The following ZZEF1 variants were observed in gnomAD, a reference collection of about 807,000 sequenced individuals.
The protein encoded by ZZEF1 is zinc finger ZZ-type and EF-hand domain containing 1.
In ZZEF1, 157 loss-of-function variants were observed where a neutral mutation model predicts 342.8. The ratio of observed to expected loss-of-function variants is 0.46; its 90% CI spans 0.40 to 0.52. ZZEF1 has a LOEUF of 0.52. Among genes scored for constraint, ZZEF1 ranks in the 20% least tolerant of loss-of-function variants. The probability of loss-of-function intolerance (pLI) is 0.00; values close to 1 mark genes in which losing one functional copy is unlikely to be tolerated. For synonymous variants in ZZEF1, 1,505 were observed against 1,429.1 expected (o/e 1.05, Z -1.20); for missense variants, 3,480 against 3,725.6 (o/e 0.93, Z 1.72).
intron 1 of ZZEF1, among the ~76,000 whole-genome samples, chr17:4,134,313 T>C (rs2058713835): frequency 6.7e-6 from 1 of 148,312 alleles, no homozygotes; most frequent in African/African-American, 2.5e-5. Context: ...ATGAAGACCC[T>C]GTCTCAAAAA....
chr17:4,024,186 G>GTTTTTTTTTTTTTTTTTTTTTT (rs754985234), intron 43 of ZZEF1, among the ~76,000 whole-genome samples: 2 of 94,408 alleles, frequency 2.1e-5, no homozygotes, highest in African/African-American at 8.1e-5. Flanking sequence ...TATTGCCCAG[G>GTTTTTTTTTTTTTTTTTTTTTT]TTTTTTTTTT....
intron 1 of ZZEF1, 108 bp downstream of exon 1, chr17:4,142,434 T>G: frequency 8.4e-7 from 1 of 1,183,586 alleles, no homozygotes; most frequent in Non-Finnish European, 1.2e-6. Flanking sequence ...TGGAAACACC[T>G]CATATGGGTC....
At chr17:4,118,803 T>A (rs1350043149) in intron 2 of ZZEF1, among the ~76,000 whole-genome samples, 1 of 152,200 alleles carries the variant, frequency 6.6e-6, no homozygotes, top group Non-Finnish European at 1.5e-5. Context: ...AAAATTTCAC[T>A]GAGGTAGAAG....
intron 34 of ZZEF1, among the ~76,000 whole-genome samples, chr17:4,053,682 GAAGTC>G (rs988963323): frequency 1.3e-5 from 2 of 152,214 alleles, no homozygotes; most frequent in Admixed American, 6.5e-5. Context: ...TCAGCACCTA[GAAGTC>G]AAGTGTACGA....
At chr17:4,066,936 A>C (rs1168507319) in intron 27 of ZZEF1, among the ~76,000 whole-genome samples, 1 of 152,186 alleles carries the variant, frequency 6.6e-6, no homozygotes, top group Non-Finnish European at 1.5e-5. Context: ...GAGTTCCACG[A>C]AGGGATGTAA....
At chr17:4,054,341 G>A in intron 33 of ZZEF1, 146 bp from the exon 34 acceptor site, 1 of 863,492 alleles carries the variant, frequency 1.2e-6, no homozygotes. Context: ...GCTCCTCAGT[G>A]TCTAGTTGGG....
chr17:4,112,689 T>C lies in ZZEF1; in HGVS notation c.986A>G (p.Gln329Arg). ...VAVGRNASDL[Q>R]EVRDVHIPSN... ...GGGGATGTGCACATCTCGGACTTCCTGAAGATCGCTGGCATTCCTCCCTAC... is the reference window on the plus strand; with the variant it reads ...GGGGATGTGCACATCTCGGACTTCCCGAAGATCGCTGGCATTCCTCCCTAC... The change falls in exon 5 of 55, where the codon CAG (glutamine) becomes CGG (arginine). Residue 329 changes from glutamine (Q) to arginine (R), a missense_variant. By Grantham distance (43) the Gln-to-Arg change is conservative. This residue lies in a region of ZZEF1 where 92 missense variants were observed against 130.3 expected (regional missense o/e 0.71). Transcript: ENST00000381638. 1 of 1,614,242 alleles carries C rather than the reference T, an allele frequency of 6.2e-7. No individual in the cohort carries two copies. The highest frequency in any genetic ancestry group is 8.5e-7 in the Non-Finnish European group (1 of 1,180,032).
chr17:4,013,665 AAT>A, intron 51 of ZZEF1, 51 bp from the exon 52 acceptor site: 2 of 1,497,212 alleles, frequency 1.3e-6, no homozygotes, highest in Non-Finnish European at 1.8e-6. Context: ...CGTAATAAGT[AAT>A]ATTATTATTA....
intron 39 of ZZEF1, among the ~76,000 whole-genome samples, chr17:4,035,304 A>C (rs2056636549): frequency 6.6e-6 from 1 of 152,238 alleles, no homozygotes. Flanking sequence ...CTATATCCAT[A>C]GTATGAAAAC....
intron 18 of ZZEF1, among the ~76,000 whole-genome samples, chr17:4,079,187 C>T (rs910723838): frequency 1.3e-5 from 2 of 152,216 alleles, no homozygotes; most frequent in African/African-American, 2.4e-5. Flanking sequence ...CTGAGTCAAA[C>T]AGCCCCGGTT....
At chr17:4,049,559 C>T (rs1204607489) in intron 37 of ZZEF1, 149 bp downstream of exon 37, 1 of 867,810 alleles carries the variant, frequency 1.2e-6, no homozygotes, top group African/African-American at 1.7e-5. Context: ...ATGATAACAA[C>T]ATGCCCAAGG....
At chr17:4,093,672 G>C (rs2057985304) in intron 11 of ZZEF1, among the ~76,000 whole-genome samples, 1 of 152,204 alleles carries the variant, frequency 6.6e-6, no homozygotes, top group Non-Finnish European at 1.5e-5. Context: ...TTCCCTGGCT[G>C]ATGTGTATGC....
rs1432119101 is a variant in ZZEF1 at position 4,104,734 on chromosome 17, C to T, written c.1472G>A (p.Ser491Asn). 2 of 1,614,026 alleles carry T rather than the reference C, an allele frequency of 1.2e-6. No individual in the cohort carries two copies. The highest frequency in any genetic ancestry group is 1.3e-5 in the African/African-American group (1 of 74,906). ...LARGSVAKVM[S>N]SLCTITDHLD... Reference sequence around the variant, plus strand: ...ATGGTCAGTGATGGTGCATAGAGAGCTCATGACTTTGGCAACACTTCCTCT... The same window carrying T: ...ATGGTCAGTGATGGTGCATAGAGAGTTCATGACTTTGGCAACACTTCCTCT... The change falls in exon 8 of 55, where the codon AGC (serine) becomes AAC (asparagine). Residue 491 changes from serine to asparagine, a missense_variant. Transcript: ENST00000381638.
intron 42 of ZZEF1, among the ~76,000 whole-genome samples, chr17:4,025,400 T>C (rs571312309): frequency 1.4e-4 from 21 of 152,098 alleles, no homozygotes; most frequent in Non-Finnish European, 2.9e-5. Flanking sequence ...AGATAGCATA[T>C]ATGAGGCCGG....
intron 18 of ZZEF1, 57 bp from the exon 19 acceptor site, chr17:4,078,099 G>A (rs1269453897): frequency 4.5e-6 from 7 of 1,550,794 alleles, no homozygotes; most frequent in Non-Finnish European, 5.3e-6. Flanking sequence ...ACAGAGCATA[G>A]CCAAGGGCAT....
intron 5 of ZZEF1, among the ~76,000 whole-genome samples, chr17:4,112,113 GA>G (rs1249374939): frequency 4.0e-4 from 37 of 92,816 alleles, no homozygotes; most frequent in African/African-American, 1.4e-3. Context: ...TGTTTTTAAT[GA>G]AAAAAATGAT....
At chr17:4,049,661 T>C (rs1258715965) in intron 37 of ZZEF1, 47 bp downstream of exon 37, 1 of 1,610,680 alleles carries the variant, frequency 6.2e-7, no homozygotes, top group African/African-American at 1.3e-5. Context: ...AATGGCTCTC[T>C]CTAGAGTTCA....
At position 4,022,758 on chromosome 17, in the gene ZZEF1, C is replaced by A. The variant is rs1263023366; in HGVS notation, c.7163G>T (p.Cys2388Phe). Residue 2388 changes from cysteine (C) to phenylalanine (F), a missense_variant, in exon 44 of 55, where the codon TGC becomes TTC. By Grantham distance (205) the Cys-to-Phe change is radical (BLOSUM62 -2). This residue lies in a region of ZZEF1 where 1,269 missense variants were observed against 1,342.4 expected (regional missense o/e 0.95). Transcript: ENST00000381638. ...TDLLKLLVKK[C>F]SKGTGFSKTW... ...TTTACTAAAGCCAGTCCCTTTGCTG[C>A]ACTTTTTCACCAGCAACTTCAGCAA... The A allele has an allele frequency of 3.7e-6, 6 of 1,613,770 alleles. No individual in the cohort carries two copies. The highest frequency in any genetic ancestry group is 5.1e-6 in the Non-Finnish European group (6 of 1,180,012).
At position 4,023,677 on chromosome 17, in the gene ZZEF1, A is replaced by T. The variant is rs939665455; in HGVS notation, c.7093-849T>A. Among the ~76,000 whole-genome samples, 1,408 of 151,354 alleles carry T rather than the reference A, an allele frequency of 9.3e-3. 21 individuals are homozygous for T. Among genetic ancestry groups the T allele is most frequent in the Non-Finnish European group, 0.017 (1,166 of 67,768 alleles). On this transcript the variant is annotated intron_variant, in intron 43 of 54. Transcript: ENST00000381638. The stretch of plus-strand genomic sequence containing the variant: ...TCTCCAAAAAAAAAAAAAAAAAAAA[A>T]ATTAACTGGGCATGATAGTGCATGC...
Sources: gnomAD v4.1 joint callset for allele counts (sites outside exome capture counted in the v4.1 genomes callset) on GRCh38, gnomAD v4.1.1 for gene constraint, gnomAD v4.1.1 regional missense constraint, MANE v1.5 for transcripts, NCBI Gene and HGNC (gene_info 2026-07-23, HGNC 2026-07-21) for gene names.